The following OVOL3 variants were observed in gnomAD, a reference collection of about 807,000 sequenced individuals.
OVOL3 encodes the protein putative transcription factor ovo-like protein 3.
OVOL3 carries 15 observed loss-of-function variants against 13.6 expected under a neutral mutation model. That is an observed-to-expected ratio of 1.11 (90% CI 0.74 to 1.70). The LOEUF is 1.70. OVOL3 is among the 40% of genes most tolerant of loss of function. OVOL3 has a pLI of 0.00. For missense variants in OVOL3, 290 were observed against 280.6 expected, an observed-to-expected ratio of 1.03 and a Z score of -0.24; for synonymous variants, 102 against 108.5, an observed-to-expected ratio of 0.94 and a Z score of 0.37.
chr19:36,112,764 C>CCA lies in OVOL3; in HGVS notation c.169_170dup (p.Gln57HisfsTer5). 6.5e-7 allele frequency: 1 copy of CCA among 1,533,594 alleles called. No homozygotes were observed. The highest frequency in any genetic ancestry group is 8.7e-7 in the Non-Finnish European group (1 of 1,146,148). The allele number at this position is 1,533,594 out of a possible 1,614,324, so 95.0% of individuals were successfully genotyped here. On this transcript the variant is annotated frameshift_variant, in exon 3 of 4. Transcript: ENST00000633214. LOFTEE classifies it high-confidence loss of function. ...ATAACTCCTGCATCCCTCCAGCAGC[C>CCA]CACACAGGGCAACCTGACCTCTGCT...
intron 3 of OVOL3, 87 bp from the exon 4 acceptor site, chr19:36,113,366 C>A: frequency 7.4e-7 from 1 of 1,342,432 alleles, no homozygotes; most frequent in Non-Finnish European, 1.0e-6. Context: ...CAGAAATGCT[C>A]AACACTGGAA....
intron 3 of OVOL3, 64 bp from the exon 4 acceptor site, chr19:36,113,389 G>C: frequency 6.8e-7 from 1 of 1,468,100 alleles, no homozygotes; most frequent in South Asian, 1.2e-5. Flanking sequence ...CAGGGTGGGG[G>C]CGCTTTAGTC....
intron 3 of OVOL3, 87 bp downstream of exon 3, chr19:36,113,051 C>T: frequency 7.4e-7 from 1 of 1,360,294 alleles, no homozygotes. Flanking sequence ...TGTGGAGTGT[C>T]CATGGTTTGT....
rs1367670348 is a variant in OVOL3 at position 36,113,588 on chromosome 19, G to T, written c.500G>T (p.Cys167Phe). Residue 167 changes from cysteine to phenylalanine, a missense_variant, in exon 4 of 4, where the codon TGC (cysteine) becomes TTC (phenylalanine). By Grantham distance (205) the Cys-to-Phe change is radical. Coordinates refer to ENST00000633214, the MANE Select transcript of OVOL3 (RefSeq NM_001302757.2). ...YRERREKLHV[C>F]EDCGFTSSRP... is the part of the protein sequence containing the mutation. Reference sequence around the variant, plus strand: ...GAGCGCCGCGAGAAGCTGCACGTGTGCGAGGACTGCGGCTTCACCAGCTCC... The same window carrying T: ...GAGCGCCGCGAGAAGCTGCACGTGTTCGAGGACTGCGGCTTCACCAGCTCC... 4.5e-6 allele frequency: 7 copies of T among 1,539,386 alleles called. No individual in the cohort carries two copies. Among genetic ancestry groups the T allele is most frequent in the Non-Finnish European group, 3.5e-6 (4 of 1,146,902 alleles).
In OVOL3 at chr19:36,113,661, A is replaced by G; in HGVS notation, c.573A>G (p.Ter191TrpextTer12). 1 of 1,549,356 alleles carries G rather than the reference A, an allele frequency of 6.5e-7. No individual in the cohort carries two copies. Among genetic ancestry groups the G allele is most frequent in the Non-Finnish European group, 8.7e-7 (1 of 1,145,852 alleles). The change falls in exon 4 of 4, where the codon TGA becomes TGG. Residue 191 changes from the stop codon to tryptophan, a stop_lost. Coordinates refer to ENST00000633214, the MANE Select transcript of OVOL3 (RefSeq NM_001302757.2). ...ACCGCGCCCTGCACCGCGCAGCCTG[A>G]TACGGTGTGCCAGCGTCCTCCCCAC... ...AQHRALHRAA* is the reference protein window; with the variant it reads ...AQHRALHRAAW
chr19:36,113,699 C>CA lies in OVOL3; in HGVS notation c.*39dup, dbSNP rs1201605053. 2 of 1,582,296 alleles carry CA rather than the reference C, an allele frequency of 1.3e-6. No individual in the cohort carries two copies. The highest frequency in any genetic ancestry group is 1.7e-6 in the Non-Finnish European group (2 of 1,164,250). On this transcript the variant is annotated 3_prime_UTR_variant, in exon 4 of 4. Transcript: ENST00000633214. ...GCGTCCTCCCCACGAGGCAAATAAA[C>CA]ACAGAAAACTCACGCATGGAATCTG...
intron 3 of OVOL3, 41 bp from the exon 4 acceptor site, chr19:36,113,412 C>T: frequency 6.6e-7 from 1 of 1,512,840 alleles, no homozygotes; most frequent in South Asian, 1.2e-5. Flanking sequence ...GAGCCCATTG[C>T]CCTCTCTGTC....
intron 3 of OVOL3, among the ~76,000 whole-genome samples, 173 bp from the exon 4 acceptor site, chr19:36,113,280 G>A (rs1973869178): frequency 6.6e-6 from 1 of 152,144 alleles, no homozygotes; most frequent in African/African-American, 2.4e-5. Context: ...CAGGTGTCTG[G>A]CCCATGTCTG....
rs756707501 is a variant in OVOL3, at chr19:36,111,710, TGTCAG to T, written c.159+278_159+282del. The T allele has an allele frequency of 6.5e-6, 4 of 613,706 alleles. No homozygotes were observed. In the East Asian group the frequency reaches 1.4e-4, roughly 21 times the overall value. The allele number at this position is 613,706 out of a possible 1,614,324, so 38.0% of individuals were successfully genotyped here. On this transcript the variant is annotated intron_variant, in intron 2 of 3. Coordinates refer to ENST00000633214, the MANE Select transcript of OVOL3 (RefSeq NM_001302757.2). ...CCCCACATGTGGATGATCCGCTTTA[TGTCAG>T]AACATGGGACAAGGCAACAGGAGTG...
At position 36,113,625 on chromosome 19, in the gene OVOL3, C is replaced by T; in HGVS notation, c.537C>T (p.Thr179=). 6.5e-7 allele frequency: 1 copy of T among 1,545,736 alleles called. No homozygotes were observed. Among genetic ancestry groups the T allele is most frequent in the Non-Finnish European group, 8.7e-7 (1 of 1,146,898 alleles). ...DCGFTSSRPD[T]YAQHRALHRA... is the part of the protein sequence containing the mutation. ...GCTTCACCAGCTCCCGGCCCGACAC[C>T]TACGCACAGCACCGCGCCCTGCACC... Residue 179 remains threonine, a synonymous_variant, in exon 4 of 4, where the codon ACC becomes ACT. Transcript: ENST00000633214.
At position 36,111,405 on chromosome 19, in the gene OVOL3, C is replaced by T. The variant is rs1451920030; in HGVS notation, c.131C>T (p.Ser44Leu). Residue 44 changes from serine to leucine, a missense_variant, in exon 2 of 4, where the codon TCG becomes TTG. Ser to Leu is a moderately radical substitution (Grantham distance 145). Transcript: ENST00000633214. ...SSLGGPPAQQ[S>L]SSVRDPWTAQ... The stretch of plus-strand genomic sequence containing the variant: ...CTGGGGGGGCCACCGGCACAACAGT[C>T]GTCCAGTGTCAGGGATCCGTGGACA... 11 of 1,536,002 alleles carry T rather than the reference C, an allele frequency of 7.2e-6. No individual in the cohort carries two copies. Among genetic ancestry groups the T allele is most frequent in the Non-Finnish European group, 9.6e-6 (11 of 1,146,830 alleles).
At chr19:36,111,812 A>G (rs2145900227) in intron 2 of OVOL3, 1 of 477,616 alleles carries the variant, frequency 2.1e-6, no homozygotes, top group Non-Finnish European at 4.1e-6. Context: ...AATGTAATAT[A>G]TTCATGAAAG....
rs1347794924 is a variant in OVOL3 at position 36,113,489 on chromosome 19, C to T, written c.401C>T (p.Ala134Val). ...TTCCGCTGCAGTGCTTGCGGGAAAG[C>T]GTTTACGCAGCGCTGCTCCCTGGAA... ...RPFRCSACGK[A>V]FTQRCSLEAH... The change falls in exon 4 of 4, where the codon GCG becomes GTG. Residue 134 changes from alanine (A) to valine (V), a missense_variant. By Grantham distance (64) the Ala-to-Val change is moderately conservative. Transcript: ENST00000633214. The T allele has an allele frequency of 2.6e-6, 4 of 1,535,866 alleles. No homozygotes were observed. The highest frequency in any genetic ancestry group is 2.7e-5 in the African/African-American group (2 of 73,038).
chr19:36,113,038 G>A, intron 3 of OVOL3, 74 bp downstream of exon 3: 1 of 1,418,612 alleles, frequency 7.0e-7, no homozygotes, highest in Non-Finnish European at 9.5e-7. Context: ...AGAGGTGCTG[G>A]GCTGTGGAGT....
chr19:36,111,621 G>A (rs940029480), intron 2 of OVOL3, 188 bp downstream of exon 2: 2 of 721,612 alleles, frequency 2.8e-6, no homozygotes, highest in Non-Finnish European at 4.9e-6. Context: ...CTACTGTTAG[G>A]TCTCACCCCA....
chr19:36,112,197 C>T (rs1973837628), intron 2 of OVOL3, among the ~76,000 whole-genome samples: 1 of 151,948 alleles, frequency 6.6e-6, no homozygotes, highest in Non-Finnish European at 1.5e-5. Flanking sequence ...CAGATCTAGA[C>T]TCCATCCCCC....
Position 36,112,965 on chromosome 19 carries a change from G to A in OVOL3, c.364+1G>A. On this transcript the variant is annotated splice_donor_variant, in intron 3 of 3. Coordinates refer to ENST00000633214, the MANE Select transcript of OVOL3 (RefSeq NM_001302757.2). LOFTEE classifies it high-confidence loss of function. ...AAGCGCCACATGAGGACTCACACTGGTGAGCAGTGGCAGGGACAGGGAAAA... is the reference window on the plus strand; with the variant it reads ...AAGCGCCACATGAGGACTCACACTGATGAGCAGTGGCAGGGACAGGGAAAA... 1 of 1,535,580 alleles carries A rather than the reference G, an allele frequency of 6.5e-7. No homozygotes were observed. The highest frequency in any genetic ancestry group is 8.7e-7 in the Non-Finnish European group (1 of 1,146,280).
chr19:36,111,270 AGCTCCGGGGAGAT>A lies in OVOL3; in HGVS notation c.71_83del (p.Leu24ProfsTer33). ...CCCAACTGGGGCCATCTGCCTGACC[AGCTCCGGGGAGAT>A]GCCTATATCCCAGGTGGGCCCCTCA... On this transcript the variant is annotated frameshift_variant, in exon 1 of 4. Coordinates refer to ENST00000633214, the MANE Select transcript of OVOL3 (RefSeq NM_001302757.2). LOFTEE classifies it high-confidence loss of function. 6.5e-7 allele frequency: 1 copy of A among 1,535,956 alleles called. No individual in the cohort carries two copies. Among genetic ancestry groups the A allele is most frequent in the Non-Finnish European group, 8.7e-7 (1 of 1,146,858 alleles).
intron 3 of OVOL3, 51 bp from the exon 4 acceptor site, chr19:36,113,402 G>A (rs543718013): frequency 5.2e-5 from 78 of 1,506,822 alleles, no homozygotes; most frequent in Middle Eastern, 1.8e-4. Context: ...CTTTAGTCCA[G>A]AGCCCATTGC....
Sources: allele counts gnomAD v4.1 joint callset (sites outside exome capture counted in the v4.1 genomes callset), GRCh38; gene constraint gnomAD v4.1.1; transcripts MANE v1.5; gene names NCBI Gene and HGNC (gene_info 2026-07-23, HGNC 2026-07-21).